RNF170: variants seen among roughly 807,000 people sequenced by gnomAD.
RNF170 encodes the protein ring finger protein 170, also known as E3 ubiquitin-protein ligase RNF170.
A neutral mutation model predicts 32.7 loss-of-function variants in RNF170; 12 were observed. That is an observed-to-expected ratio of 0.37 (90% CI 0.24 to 0.60). The LOEUF is 0.60. Ranked by LOEUF, RNF170 falls within the 20% of genes least tolerant of loss-of-function variation. RNF170 has a pLI of 0.72. For missense variants in RNF170, 212 were observed against 311.2 expected (o/e 0.68, Z 2.40); for synonymous variants, 91 against 103.6 (o/e 0.88, Z 0.74).
At chr8:42,872,464 C>T (rs537422423) in intron 3 of RNF170, among the ~76,000 whole-genome samples, 5 of 152,228 alleles carry the variant, frequency 3.3e-5, no homozygotes, top group South Asian at 2.1e-4. Flanking sequence ...CTTTTTTAGA[C>T]GGAGTCTCAC....
intron 1 of RNF170, among the ~76,000 whole-genome samples, chr8:42,895,820 G>T (rs138791844): frequency 2.0e-5 from 3 of 152,328 alleles, no homozygotes; most frequent in Non-Finnish European, 1.5e-5. Context: ...ACACATAGAT[G>T]GTAAAGCTGT....
At chr8:42,883,227 C>T (rs1025975088) in intron 2 of RNF170, among the ~76,000 whole-genome samples, 4 of 151,942 alleles carry the variant, frequency 2.6e-5, no homozygotes, top group African/African-American at 9.7e-5. Flanking sequence ...GATGGGTTCA[C>T]TAGAAGCCAT....
intron 2 of RNF170, among the ~76,000 whole-genome samples, chr8:42,877,456 A>G (rs1381443935): frequency 6.6e-6 from 1 of 152,214 alleles, no homozygotes; most frequent in African/African-American, 2.4e-5. Flanking sequence ...CTAGGATTAC[A>G]GGTGTGAGCC....
In RNF170 at chr8:42,870,117, TAAG is replaced by T. The variant is rs1586510324; in HGVS notation, c.214-8_214-6del. ...TCGAGTGGCAGCAGGTGCATCCTAA[TAAG>T]AACACAGGTGCACACATTGGAACAC... On this transcript the variant is annotated splice_region_variant and splice_polypyrimidine_tract_variant and intron_variant, in intron 3 of 6. Transcript: ENST00000527424. 6.2e-7 allele frequency: 1 copy of T among 1,605,218 alleles called. No homozygotes were observed. Among genetic ancestry groups the T allele is most frequent in the Non-Finnish European group, 8.5e-7 (1 of 1,172,134 alleles).
At chr8:42,874,813 T>C (rs1220444148) in intron 2 of RNF170, among the ~76,000 whole-genome samples, 1 of 151,828 alleles carries the variant, frequency 6.6e-6, no homozygotes, top group Non-Finnish European at 1.5e-5. Flanking sequence ...ACAATTAAAA[T>C]GGTGAATCAA....
chr8:42,850,773 TGAGTGAG>T, downstream of RNF170: 1 of 1,551,600 alleles, frequency 6.4e-7, no homozygotes, highest in Non-Finnish European at 8.7e-7. Flanking sequence ...TTGGGTAGTC[TGAGTGAG>T]GAGGGAACAT....
At chr8:42,860,281 T>A (rs746473154) in intron 6 of RNF170, among the ~76,000 whole-genome samples, 5 of 152,248 alleles carry the variant, frequency 3.3e-5, no homozygotes, top group Non-Finnish European at 7.3e-5. Flanking sequence ...TAAGAATGTG[T>A]TAGATTTTGA....
At chr8:42,859,113 G>A (rs1803464108) in intron 6 of RNF170, among the ~76,000 whole-genome samples, 1 of 152,144 alleles carries the variant, frequency 6.6e-6, no homozygotes, top group Non-Finnish European at 1.5e-5. Context: ...GAGCCCAGGA[G>A]GCAAACGTTG....
chr8:42,895,395 A>C (rs1806707325), intron 1 of RNF170, among the ~76,000 whole-genome samples: 1 of 152,196 alleles, frequency 6.6e-6, no homozygotes. Context: ...TAATGGAAAA[A>C]AAGTGGGGGA....
chr8:42,881,919 A>C (rs1425737856), intron 2 of RNF170, among the ~76,000 whole-genome samples: 1 of 152,010 alleles, frequency 6.6e-6, no homozygotes, highest in African/African-American at 2.4e-5. Flanking sequence ...TGGGCAACAG[A>C]GTAAGACCCT....
At chr8:42,864,956 A>T (rs1487018737) in intron 5 of RNF170, among the ~76,000 whole-genome samples, 3 of 131,184 alleles carry the variant, frequency 2.3e-5, no homozygotes, top group South Asian at 2.2e-4. Context: ...GGTACAGTTT[A>T]AAAAAAAAAA....
intron 2 of RNF170, among the ~76,000 whole-genome samples, chr8:42,886,472 T>C (rs1805834615): frequency 6.6e-6 from 1 of 152,134 alleles, no homozygotes; most frequent in Non-Finnish European, 1.5e-5. Context: ...CAAGATAATG[T>C]TACCCTAATA....
At chr8:42,875,396 C>T (rs139117125) in intron 2 of RNF170, among the ~76,000 whole-genome samples, 3 of 152,192 alleles carry the variant, frequency 2.0e-5, no homozygotes, top group Non-Finnish European at 4.4e-5. Flanking sequence ...ACTCTCATAT[C>T]CGAATGTGAT....
At chr8:42,858,468 AT>A (rs139461846) in intron 6 of RNF170, among the ~76,000 whole-genome samples, 1 of 152,332 alleles carries the variant, frequency 6.6e-6, no homozygotes, top group East Asian at 1.9e-4. Context: ...AAGGCACCAA[AT>A]TTGGCACTGT....
At chr8:42,851,055 C>G, downstream of RNF170, 1 of 1,542,866 alleles carries the variant, frequency 6.5e-7, no homozygotes, top group Non-Finnish European at 8.7e-7. Flanking sequence ...TGTCTTCCCA[C>G]TGCACGTAAA....
At chr8:42,889,244 A>G (rs930877319) in intron 1 of RNF170, 4 of 152,190 alleles carry the variant, frequency 2.6e-5, no homozygotes, top group African/African-American at 9.7e-5. Flanking sequence ...TTATGAAGAG[A>G]AAAGGGAGGA....
intron 2 of RNF170, among the ~76,000 whole-genome samples, chr8:42,876,928 T>G (rs1804986150): frequency 6.6e-6 from 1 of 151,502 alleles, no homozygotes; most frequent in South Asian, 2.1e-4. Context: ...ATGCTGGGAT[T>G]ACAGGCGTGA....
In RNF170 at chr8:42,853,836, TTAG is replaced by T; in HGVS notation, c.*2320_*2322del. On this transcript the variant is annotated 3_prime_UTR_variant, in exon 7 of 7. Coordinates refer to ENST00000527424, the MANE Select transcript of RNF170 (RefSeq NM_030954.4). Reference sequence around the variant, plus strand: ...ACAATTTAGGAAGCTTTAAGATCATTTAGTATTTTTTTATGTTACAAAATTTGG... The same window carrying T: ...ACAATTTAGGAAGCTTTAAGATCATTTATTTTTTTATGTTACAAAATTTGG... The T allele has an allele frequency of 7.8e-7, 1 of 1,287,024 alleles. No individual in the cohort carries two copies. The highest frequency in any genetic ancestry group is 1.0e-6 in the Non-Finnish European group (1 of 988,568). The allele number at this position is 1,287,024 out of a possible 1,614,324, so 79.7% of individuals were successfully genotyped here. A position where few individuals can be genotyped will look rare whatever the true frequency, so the allele number is the denominator to read the frequency against.
At chr8:42,852,661 C>A (rs142387952), downstream of RNF170, among the ~76,000 whole-genome samples, 1 of 152,054 alleles carries the variant, frequency 6.6e-6, no homozygotes, top group Non-Finnish European at 1.5e-5. Flanking sequence ...GTGATCTGCC[C>A]GCCTTGGCCT....
Sources: gnomAD v4.1 joint callset for allele counts (sites outside exome capture counted in the v4.1 genomes callset) on GRCh38, gnomAD v4.1.1 for gene constraint, MANE v1.5 for transcripts, NCBI Gene and HGNC (gene_info 2026-07-23, HGNC 2026-07-21) for gene names.